Variants in NSF observed in about 807,000 individuals in gnomAD.
The protein encoded by NSF is vesicle-fusing ATPase.
NSF carries 14 observed loss-of-function variants against 50.3 expected under a neutral mutation model. The observed-to-expected ratio is 0.28, with a 90% confidence interval of 0.18 to 0.44. The LOEUF (loss-of-function observed/expected upper bound fraction) is 0.44. Ranked by LOEUF, NSF falls within the 20% of genes least tolerant of loss-of-function variation. NSF has a pLI of 1.00. For synonymous variants in NSF, 109 were observed against 175.7 expected, an observed-to-expected ratio of 0.62 and a Z score of 3.00; for missense variants, 218 against 504.3, an observed-to-expected ratio of 0.43 and a Z score of 5.44.
chr17:46,745,067 G>T (rs1384229294), intron 17 of NSF, among the ~76,000 whole-genome samples: 1 of 152,010 alleles, frequency 6.6e-6, no homozygotes, highest in African/African-American at 2.4e-5. Flanking sequence ...TCCGTCAAGG[G>T]GCATGTTTGG....
intron 8 of NSF, among the ~76,000 whole-genome samples, chr17:46,662,700 C>T (rs2058315934): frequency 7.2e-6 from 1 of 139,424 alleles, no homozygotes; most frequent in Non-Finnish European, 1.6e-5. Flanking sequence ...TAAGCTAATT[C>T]TCCTAAGCTT....
At chr17:46,675,535 T>C (rs1482708400) in intron 9 of NSF, among the ~76,000 whole-genome samples, 1 of 102,120 alleles carries the variant, frequency 9.8e-6, no homozygotes, top group South Asian at 3.3e-4. Context: ...TCTGAAATTG[T>C]AGATTTATCC....
chr17:46,723,849 A>G lies in NSF; in HGVS notation c.1762-2700A>G, dbSNP rs185854134. 5.3e-5 allele frequency among the ~76,000 whole-genome samples: 8 copies of G among 152,296 alleles called. No individual in the cohort carries two copies. The East Asian group carries it at 1.5e-3, about 29-fold the overall frequency. The stretch of plus-strand genomic sequence containing the variant: ...TATTATTCCCCTCTAATGCTTTTCT[A>G]TACAATCAGGAAAATGTTTCTAAAA... On this transcript the variant is annotated intron_variant, in intron 15 of 20. Coordinates refer to ENST00000398238, the MANE Select transcript of NSF (RefSeq NM_006178.4).
intron 15 of NSF, among the ~76,000 whole-genome samples, chr17:46,717,705 C>T (rs1030931925): frequency 1.3e-5 from 2 of 152,088 alleles, no homozygotes; most frequent in Non-Finnish European, 2.9e-5. Context: ...GAGCAAGACT[C>T]CATCTAAAAA....
At chr17:46,718,583 A>G (rs2058797587) in intron 15 of NSF, among the ~76,000 whole-genome samples, 1 of 152,226 alleles carries the variant, frequency 6.6e-6, no homozygotes, top group East Asian at 1.9e-4. Flanking sequence ...TAGGGAAATT[A>G]CTGCCCCCAT....
intron 8 of NSF, among the ~76,000 whole-genome samples, chr17:46,657,970 A>T (rs201619114): frequency 1.5e-3 from 22 of 14,852 alleles, no homozygotes; most frequent in African/African-American, 3.3e-3. Flanking sequence ...TATTTTATTT[A>T]TTTTTTTTTT....
At chr17:46,622,564 C>T (rs1251104239) in intron 1 of NSF, among the ~76,000 whole-genome samples, 1 of 147,294 alleles carries the variant, frequency 6.8e-6, no homozygotes, top group Non-Finnish European at 1.5e-5. Context: ...GGGCGGATTG[C>T]CTGAGCTCAG....
intron 15 of NSF, among the ~76,000 whole-genome samples, chr17:46,714,406 G>A (rs2058748565): frequency 6.6e-6 from 1 of 152,186 alleles, no homozygotes; most frequent in Admixed American, 6.5e-5. Flanking sequence ...ATAGTCCCAG[G>A]AATCCCTACA....
At chr17:46,732,227 T>C (rs1269729113) in intron 17 of NSF, among the ~76,000 whole-genome samples, 1 of 152,200 alleles carries the variant, frequency 6.6e-6, no homozygotes, top group Non-Finnish European at 1.5e-5. Context: ...TTTGCATTTG[T>C]TGTATTTCCA....
chr17:46,745,867 G>A (rs1568059919), intron 17 of NSF, among the ~76,000 whole-genome samples: 1 of 152,090 alleles, frequency 6.6e-6, no homozygotes, highest in Non-Finnish European at 1.5e-5. Flanking sequence ...GTCTTTACTC[G>A]ATTGTAATTA....
rs1162662257 is a variant in NSF, at chr17:46,640,473, GGC to G, written c.514-169_514-168del. On this transcript the variant is annotated intron_variant, in intron 6 of 20. Coordinates refer to ENST00000398238, the MANE Select transcript of NSF (RefSeq NM_006178.4). ...TGGAAAGATATAGGCATGGAAATAAGGCATGTAAGAATTGTAGAAGAAAGTTA... is the reference window on the plus strand; with the variant it reads ...TGGAAAGATATAGGCATGGAAATAAGATGTAAGAATTGTAGAAGAAAGTTA... Among the ~76,000 whole-genome samples the G allele has an allele frequency of 1.5e-4, 13 of 89,430 alleles. 2 individuals carry two copies. The highest frequency in any genetic ancestry group is 5.3e-4 in the African/African-American group (11 of 20,736). 58.7% of individuals were successfully genotyped at this position (89,430 alleles called of 152,430 possible).
chr17:46,715,675 A>G (rs9901391), intron 15 of NSF, among the ~76,000 whole-genome samples: 1,535 of 152,290 alleles, frequency 0.01, 27 homozygotes, highest in African/African-American at 0.034. Flanking sequence ...AGTGTGAGAT[A>G]TTATCATTTT....
At chr17:46,743,363 T>C (rs1278836748) in intron 17 of NSF, among the ~76,000 whole-genome samples, 1 of 152,180 alleles carries the variant, frequency 6.6e-6, no homozygotes, top group Non-Finnish European at 1.5e-5. Context: ...TTCAGATGCT[T>C]GCTTCTTTTC....
At chr17:46,605,525 TATA>T (rs1396002079) in intron 1 of NSF, among the ~76,000 whole-genome samples, 1 of 140,612 alleles carries the variant, frequency 7.1e-6, no homozygotes, top group Non-Finnish European at 1.6e-5. Flanking sequence ...TTTTCCTGTC[TATA>T]ATAATGAAAG....
intron 1 of NSF, among the ~76,000 whole-genome samples, chr17:46,598,767 A>G (rs1439629474): frequency 6.6e-6 from 1 of 151,958 alleles, no homozygotes; most frequent in East Asian, 1.9e-4. Context: ...TTACCAAACA[A>G]ACTTTCAGAT....
At chr17:46,673,371 CTATT>C (rs2058381273) in intron 8 of NSF, among the ~76,000 whole-genome samples, 1 of 67,818 alleles carries the variant, frequency 1.5e-5, no homozygotes, top group South Asian at 5.4e-4. Flanking sequence ...TGGCGACACA[CTATT>C]TATATTGCAT....
intron 1 of NSF, among the ~76,000 whole-genome samples, chr17:46,610,044 T>TC (rs60359730): frequency 0.016 from 1,187 of 72,982 alleles, 108 homozygotes; most frequent in Middle Eastern, 0.05. Flanking sequence ...TCTCTCTCTC[T>TC]TTCTTTCTTT....
intron 1 of NSF, among the ~76,000 whole-genome samples, chr17:46,621,816 C>G (rs2058069569): frequency 8.3e-6 from 1 of 120,906 alleles, no homozygotes; most frequent in South Asian, 2.5e-4. Flanking sequence ...ACCCCACACA[C>G]TGTATTTGTC....
At chr17:46,709,050 C>A (rs2058691420) in intron 13 of NSF, among the ~76,000 whole-genome samples, 1 of 151,320 alleles carries the variant, frequency 6.6e-6, no homozygotes, top group Non-Finnish European at 1.5e-5. Context: ...GTCTCAATCT[C>A]CTGACCTCGT....
Sources: gnomAD v4.1 joint callset for allele counts (sites outside exome capture counted in the v4.1 genomes callset) on GRCh38, gnomAD v4.1.1 for gene constraint, MANE v1.5 for transcripts, NCBI Gene and HGNC (gene_info 2026-07-23, HGNC 2026-07-21) for gene names.